EPS15L1: variants seen among roughly 807,000 people sequenced by gnomAD.
The protein encoded by EPS15L1 is epidermal growth factor receptor substrate 15-like 1.
EPS15L1 carries 43 observed loss-of-function variants against 117.1 expected under a neutral mutation model. The observed-to-expected ratio is 0.37, with a 90% CI of 0.29 to 0.47. EPS15L1 has a LOEUF of 0.47. Ranked by LOEUF, EPS15L1 falls within the 20% of genes least tolerant of loss-of-function variation. The pLI, the probability that EPS15L1 is intolerant of heterozygous loss-of-function variation, is 0.99. For synonymous variants in EPS15L1, 459 were observed against 470.5 expected (o/e 0.98, Z 0.32); for missense variants, 981 against 1,164.0 (o/e 0.84, Z 2.29).
chr19:16,359,466 C>T (rs1168569832), intron 23 of EPS15L1, among the ~76,000 whole-genome samples: 1 of 152,158 alleles, frequency 6.6e-6, no homozygotes, highest in Non-Finnish European at 1.5e-5. Context: ...ATTAAGGGTC[C>T]TGTCTTCACT....
chr19:16,427,548 T>G (rs1479095214), intron 8 of EPS15L1, among the ~76,000 whole-genome samples: 6 of 152,192 alleles, frequency 3.9e-5, no homozygotes, highest in African/African-American at 1.4e-4. Context: ...CAACCTATAC[T>G]GAAACTTTCC....
chr19:16,367,160 A>G (rs573950158), intron 22 of EPS15L1, among the ~76,000 whole-genome samples: 4 of 151,752 alleles, frequency 2.6e-5, no homozygotes, highest in Admixed American at 2.6e-4. Flanking sequence ...ACATCTGGGA[A>G]TGATGGCATC....
intron 16 of EPS15L1, chr19:16,401,130 G>C (rs920989277): frequency 1.0e-6 from 1 of 985,310 alleles, no homozygotes; most frequent in African/African-American, 1.7e-5. Flanking sequence ...GGGCCCGGGG[G>C]CGGCTATGGA....
At chr19:16,411,007 T>C (rs2092701102) in intron 13 of EPS15L1, among the ~76,000 whole-genome samples, 2 of 152,132 alleles carry the variant, frequency 1.3e-5, no homozygotes, top group Admixed American at 1.3e-4. Context: ...TGGATGACCC[T>C]CAAAAACATG....
At chr19:16,418,408 C>T (rs532790263) in intron 10 of EPS15L1, among the ~76,000 whole-genome samples, 2 of 152,360 alleles carry the variant, frequency 1.3e-5, no homozygotes, top group East Asian at 3.9e-4. Context: ...CTGCCTCTTC[C>T]TTTGGCTTAT....
chr19:16,442,365 G>A (rs1247255954), intron 1 of EPS15L1, 146 bp from the exon 2 acceptor site: 1 of 636,400 alleles, frequency 1.6e-6, no homozygotes, highest in Admixed American at 2.7e-5. Flanking sequence ...TCTGAACACA[G>A]AATTCAGTTT....
rs142214922 is a variant in EPS15L1, at chr19:16,402,688, C to T, written c.1627-203G>A. ...TCCTGAGTAGCTGGGACTACAGGTG[C>T]GTGTCACCACCTATATTTTTGGGCA... On this transcript the variant is annotated intron_variant, in intron 15 of 23. Transcript: ENST00000455140. Among the ~76,000 whole-genome samples, 352 of 149,666 alleles carry T rather than the reference C, an allele frequency of 2.4e-3. 2 individuals carry two copies. The Middle Eastern group carries it at 0.024, about 10-fold the overall frequency.
At chr19:16,435,803 G>A (rs546615169) in intron 6 of EPS15L1, among the ~76,000 whole-genome samples, 9 of 152,106 alleles carry the variant, frequency 5.9e-5, no homozygotes, top group African/African-American at 1.2e-4. Flanking sequence ...AATCTCTCTC[G>A]ACCACAGTAC....
intron 13 of EPS15L1, among the ~76,000 whole-genome samples, chr19:16,409,690 C>T (rs900121199): frequency 1.3e-5 from 2 of 152,168 alleles, no homozygotes; most frequent in African/African-American, 2.4e-5. Context: ...GTAATCCCAG[C>T]ACTTTGGGAG....
At chr19:16,426,838 T>C (rs2092877783) in intron 8 of EPS15L1, among the ~76,000 whole-genome samples, 1 of 152,202 alleles carries the variant, frequency 6.6e-6, no homozygotes, top group Middle Eastern at 3.2e-3. Flanking sequence ...GATTAGATAA[T>C]AATAGACACG....
At chr19:16,449,613 A>C (rs2093120239) in intron 1 of EPS15L1, among the ~76,000 whole-genome samples, 1 of 152,174 alleles carries the variant, frequency 6.6e-6, no homozygotes, top group African/African-American at 2.4e-5. Context: ...TAAACACAAC[A>C]TGAAACTACC....
At chr19:16,422,610 T>C (rs1234610647) in intron 9 of EPS15L1, among the ~76,000 whole-genome samples, 1 of 152,164 alleles carries the variant, frequency 6.6e-6, no homozygotes, top group Non-Finnish European at 1.5e-5. Context: ...TCACCTTCAA[T>C]GAACGCCATG....
chr19:16,465,053 T>C (rs926412611), intron 1 of EPS15L1, among the ~76,000 whole-genome samples: 5 of 149,804 alleles, frequency 3.3e-5, no homozygotes, highest in Admixed American at 1.4e-4. Context: ...CACTCCAGCC[T>C]GGGCAACAGA....
At chr19:16,423,971 A>T (rs1335043571) in intron 9 of EPS15L1, among the ~76,000 whole-genome samples, 4 of 152,364 alleles carry the variant, frequency 2.6e-5, no homozygotes, top group African/African-American at 9.6e-5. Flanking sequence ...TGATTTCTGG[A>T]GCCTCAGAGT....
intron 12 of EPS15L1, among the ~76,000 whole-genome samples, chr19:16,415,201 G>A (rs773488697): frequency 1.3e-5 from 2 of 152,212 alleles, no homozygotes; most frequent in African/African-American, 2.4e-5. Context: ...GACACGGCAA[G>A]AAGGTGACTC....
At position 16,377,249 on chromosome 19, in the gene EPS15L1, T is replaced by C; in HGVS notation, c.2253A>G (p.Pro751=). 1 of 1,610,560 alleles carries C rather than the reference T, an allele frequency of 6.2e-7. No homozygotes were observed. The highest frequency in any genetic ancestry group is 8.5e-7 in the Non-Finnish European group (1 of 1,178,964). The change falls in exon 22 of 24, where the codon CCA becomes CCG. Residue 751 remains proline (P), a synonymous_variant. Transcript: ENST00000455140. ...FADFSQMSKP[P]PSGPFTSSLG... ...AGGAGGAGGTGAAAGGGCCAGAAGG[T>C]GGGGGCTGTAAGAGAGGACATGAAA...
At chr19:16,444,731 T>G (rs1031632452) in intron 1 of EPS15L1, among the ~76,000 whole-genome samples, 1 of 151,636 alleles carries the variant, frequency 6.6e-6, no homozygotes, top group East Asian at 1.9e-4. Flanking sequence ...AGACAAGTTT[T>G]TTTTTTTTTT....
intron 22 of EPS15L1, among the ~76,000 whole-genome samples, chr19:16,362,970 GA>G (rs1362837090): frequency 2.6e-5 from 4 of 152,198 alleles, no homozygotes; most frequent in African/African-American, 9.6e-5. Context: ...GAAGTGTTCA[GA>G]AATGGAGGAA....
chr19:16,402,101 T>C (rs2092607056), intron 16 of EPS15L1: 1 of 1,324,288 alleles, frequency 7.6e-7, no homozygotes, highest in Non-Finnish European at 9.6e-7. Context: ...GATCCAGGCC[T>C]ATCTTGGACT....
Sources: allele counts gnomAD v4.1 joint callset (sites outside exome capture counted in the v4.1 genomes callset), GRCh38; gene constraint gnomAD v4.1.1; transcripts MANE v1.5; gene names NCBI Gene and HGNC (gene_info 2026-07-23, HGNC 2026-07-21).